The following ADRA1A variants were observed in gnomAD, a reference collection of about 807,000 sequenced individuals.
ADRA1A encodes alpha-1A adrenergic receptor.
Under a neutral mutation model 29.6 loss-of-function variants are expected in ADRA1A, and 31 were observed. That is an observed-to-expected ratio of 1.05 (90% confidence interval 0.79 to 1.41). The LOEUF (loss-of-function observed/expected upper bound fraction) is 1.41, where lower values mean the gene tolerates loss of function less well. Ranked by LOEUF, ADRA1A falls within the 40% of genes most tolerant of loss-of-function variation. ADRA1A has a pLI of 0.00. For missense variants in ADRA1A, 619 were observed against 601.1 expected, an observed-to-expected ratio of 1.03 and a Z score of -0.31; for synonymous variants, 311 against 254.3, an observed-to-expected ratio of 1.22 and a Z score of -2.12.
At chr8:26,763,995 C>T (rs1187426308), downstream of ADRA1A, among the ~76,000 whole-genome samples, 1 of 152,162 alleles carries the variant, frequency 6.6e-6, no homozygotes, top group East Asian at 1.9e-4. The surrounding 1 kb of genome is among the most constrained non-coding windows in gnomAD (Gnocchi z 4.5). Flanking sequence ...CCCCCTCCCC[C>T]ATTTATAACA....
chr8:26,866,721 G>T lies in ADRA1A; in HGVS notation c.-687+215C>A, dbSNP rs1237575776. 6.6e-6 allele frequency among the ~76,000 whole-genome samples: 1 copy of T among 152,184 alleles called. No individual in the cohort carries two copies. Among genetic ancestry groups the T allele is most frequent in the Non-Finnish European group, 1.5e-5 (1 of 68,040 alleles). ...GAAACCCTTTTCCTCCTACCTCGAG[G>T]GTGATAAACACAGGGTTAAAAAGAC... On this transcript the variant is annotated intron_variant, in intron 1 of 2. Coordinates refer to ENST00000380573, the MANE Select transcript of ADRA1A (RefSeq NM_000680.4). This position sits in a 1 kb window ranked among gnomAD's most constrained non-coding sequence, Gnocchi z 5.7.
chr8:26,854,004 C>T (rs902199207), intron 2 of ADRA1A: 1 of 152,080 alleles, frequency 6.6e-6, no homozygotes, highest in African/African-American at 2.4e-5. Flanking sequence ...CTCTGCCTCT[C>T]TCTCTCTCTC....
At chr8:26,788,479 T>C (rs1807571294) in intron 2 of ADRA1A, among the ~76,000 whole-genome samples, 1 of 152,184 alleles carries the variant, frequency 6.6e-6, no homozygotes, top group Admixed American at 6.5e-5. Context: ...ATAACCCATG[T>C]GGAGAGTTCT....
Position 26,748,820 on chromosome 8 carries a change from C to T in ADRA1A, c.1270-72G>A, listed in dbSNP as rs192933532. The T allele has an allele frequency of 1.6e-3, 620 of 384,218 alleles. 7 individuals are homozygous for T. The highest frequency in any genetic ancestry group is 2.0e-3 in the South Asian group (105 of 51,538). 23.8% of individuals were successfully genotyped at this position (384,218 alleles called of 1,614,324 possible). A position where few individuals can be genotyped will look rare whatever the true frequency, so the allele number is the denominator to read the frequency against. On this transcript the variant is annotated intron_variant, in intron 2 of 2. Coordinates refer to the ADRA1A transcript ENST00000380586. Reference sequence around the variant, plus strand: ...TTCCCACTGAATTTATTCAGCATGGCTTTTTATAGTGGTTTCACCCTCCCA... The same window carrying T: ...TTCCCACTGAATTTATTCAGCATGGTTTTTTATAGTGGTTTCACCCTCCCA...
rs1475941497 is a variant in ADRA1A at position 26,866,748 on chromosome 8, CTT to C, written c.-687+186_-687+187del. ...TGATAAACACAGGGTTAAAAAGACACTTGTTCAGTAGAAGGCAACTTCGCAGA... is the reference window on the plus strand; with the variant it reads ...TGATAAACACAGGGTTAAAAAGACACGTTCAGTAGAAGGCAACTTCGCAGA... On this transcript the variant is annotated intron_variant, in intron 1 of 2. Transcript: ENST00000380573. This position sits in a 1 kb window ranked among gnomAD's most constrained non-coding sequence, Gnocchi z 5.7. Among the ~76,000 whole-genome samples the C allele has an allele frequency of 1.3e-5, 2 of 152,214 alleles. No individual in the cohort carries two copies. Among genetic ancestry groups the C allele is most frequent in the African/African-American group, 4.8e-5 (2 of 41,458 alleles).
chr8:26,778,727 A>G (rs572738474), intron 2 of ADRA1A, among the ~76,000 whole-genome samples: 51 of 145,824 alleles, frequency 3.5e-4, no homozygotes, highest in African/African-American at 1.2e-3. Flanking sequence ...TCTCACTCAT[A>G]AGTGGGAATT....
rs548942115 is a variant in ADRA1A, at chr8:26,859,291, A to G, written c.883+4796T>C. The G allele has an allele frequency of 4.5e-5, 41 of 921,290 alleles. No individual in the cohort carries two copies. The Admixed American group carries it at 4.6e-4, about 10-fold the overall frequency. 57.1% of individuals were successfully genotyped at this position (921,290 alleles called of 1,614,324 possible). ...TACTTAAGACAGTTAATAAAAAAACATATAACATCTCGTTGACGACCCAGC... is the reference window on the plus strand; with the variant it reads ...TACTTAAGACAGTTAATAAAAAAACGTATAACATCTCGTTGACGACCCAGC... On this transcript the variant is annotated intron_variant, in intron 2 of 2. Coordinates refer to ENST00000380573, the MANE Select transcript of ADRA1A (RefSeq NM_000680.4).
downstream of ADRA1A, among the ~76,000 whole-genome samples, chr8:26,764,711 A>T (rs75104549): frequency 1.7e-3 from 256 of 152,350 alleles, 5 homozygotes; most frequent in East Asian, 0.044. Context: ...AGGCACAATT[A>T]CTTTGACAAA....
intron 2 of ADRA1A, among the ~76,000 whole-genome samples, chr8:26,829,875 G>C (rs1170604609): frequency 6.9e-6 from 1 of 145,582 alleles, no homozygotes; most frequent in Non-Finnish European, 1.5e-5. Flanking sequence ...AAAATCCTTA[G>C]CTAAGGTACA....
At position 26,770,583 on chromosome 8, in the gene ADRA1A, G is replaced by A. The variant is rs914980492; in HGVS notation, c.967C>T (p.Pro323Ser). The stretch of plus-strand genomic sequence containing the variant: ...TGGCTGGAGCATGGGTATATGATGG[G>A]GTTGATGCAGCTGTTTAGATATCCG... ...WLGYLNSCIN[P>S]IIYPCSSQEF... The change falls in exon 3 of 3, where the codon CCC (proline) becomes TCC (serine). Residue 323 changes from proline (P) to serine (S), a missense_variant. Coordinates refer to ENST00000380573, the MANE Select transcript of ADRA1A (RefSeq NM_000680.4). 1 of 1,614,142 alleles carries A rather than the reference G, an allele frequency of 6.2e-7. No individual in the cohort carries two copies. Among genetic ancestry groups the A allele is most frequent in the South Asian group, 1.1e-5 (1 of 91,076 alleles).
chr8:26,854,543 T>A (rs759695326), intron 2 of ADRA1A: 1 of 151,602 alleles, frequency 6.6e-6, no homozygotes, highest in Non-Finnish European at 1.5e-5. Flanking sequence ...GTAGAGAGTG[T>A]GGTGTGGAAG....
chr8:26,773,479 C>A (rs1038163257), intron 2 of ADRA1A, among the ~76,000 whole-genome samples: 2 of 152,160 alleles, frequency 1.3e-5, no homozygotes, highest in Non-Finnish European at 2.9e-5. Context: ...TTCACAAAGA[C>A]CTGCCTGGGC....
chr8:26,758,813 A>G (rs1224384768), intron 2 of ADRA1A, among the ~76,000 whole-genome samples: 1 of 152,192 alleles, frequency 6.6e-6, no homozygotes. Flanking sequence ...AGCTCTTTCC[A>G]GTATTTCTCT....
exon 3 of ADRA1A, chr8:26,756,585 G>C (rs1431648262): frequency 1.3e-6 from 2 of 1,552,630 alleles, no homozygotes; most frequent in Non-Finnish European, 1.7e-6. Flanking sequence ...GTAACATGTT[G>C]GATTTGTGCC....
At chr8:26,812,678 T>A (rs1217328850) in intron 2 of ADRA1A, among the ~76,000 whole-genome samples, 1 of 151,508 alleles carries the variant, frequency 6.6e-6, no homozygotes, top group East Asian at 1.9e-4. Context: ...TATTATTATT[T>A]TTTTGAGATG....
intron 2 of ADRA1A, among the ~76,000 whole-genome samples, chr8:26,816,531 G>A (rs1809773410): frequency 7.7e-6 from 1 of 129,296 alleles, no homozygotes; most frequent in African/African-American, 3.0e-5. Flanking sequence ...TGCTCATGGT[G>A]TATGTGTGTG....
At chr8:26,849,909 G>A (rs1812487140) in intron 2 of ADRA1A, among the ~76,000 whole-genome samples, 1 of 151,298 alleles carries the variant, frequency 6.6e-6, no homozygotes, top group African/African-American at 2.4e-5. Context: ...GGGATGGAGG[G>A]AATATGGAGA....
intron 2 of ADRA1A, among the ~76,000 whole-genome samples, chr8:26,835,619 C>T (rs507374): frequency 0.48 from 73,056 of 151,942 alleles, 18,481 homozygotes; most frequent in Non-Finnish European, 0.55. Context: ...ACTGCCCCCA[C>T]GATTCAATTA....
intron 2 of ADRA1A, among the ~76,000 whole-genome samples, chr8:26,791,907 T>C (rs1807861414): frequency 6.6e-6 from 1 of 152,186 alleles, no homozygotes. Flanking sequence ...TACTTCCCAA[T>C]ATCCCTAACA....
Sources: gnomAD v4.1 joint callset for allele counts (sites outside exome capture counted in the v4.1 genomes callset) on GRCh38, gnomAD v4.1.1 for gene constraint, Gnocchi (gnomAD v3.1) non-coding constraint, MANE v1.5 for transcripts, NCBI Gene and HGNC (gene_info 2026-07-23, HGNC 2026-07-21) for gene names.